MYO3A: variants seen among roughly 807,000 people sequenced by gnomAD.
MYO3A encodes myosin IIIA.
MYO3A carries 180 observed loss-of-function variants against 192.7 expected under a neutral mutation model. The ratio of observed to expected loss-of-function variants is 0.93; its 90% CI spans 0.83 to 1.06. MYO3A has a LOEUF of 1.06. MYO3A is among the 50% of genes least tolerant of loss of function. The pLI is 0.00. For synonymous variants in MYO3A, 628 were observed against 645.3 expected, an observed-to-expected ratio of 0.97 and a Z score of 0.41; for missense variants, 1,896 against 1,905.0, an observed-to-expected ratio of 1.00 and a Z score of 0.09.
At chr10:26,184,613 CA>C (rs111649120) in intron 31 of MYO3A, among the ~76,000 whole-genome samples, 5 of 152,012 alleles carry the variant, frequency 3.3e-5, no homozygotes, top group African/African-American at 7.2e-5. Context: ...CTTCTGAATG[CA>C]AAAAAGCGGG....
At position 26,125,380 on chromosome 10, in the gene MYO3A, C is replaced by A; in HGVS notation, c.1904-18C>A. The A allele has an allele frequency of 6.2e-7, 1 of 1,612,722 alleles. No individual in the cohort carries two copies. The highest frequency in any genetic ancestry group is 8.5e-7 in the Non-Finnish European group (1 of 1,178,972). Reference sequence around the variant, plus strand: ...ATTGCCATAATTTCTTCTAACAATGCATCTGTTTGTTTTTCAGGTGCTTCT... The same window carrying A: ...ATTGCCATAATTTCTTCTAACAATGAATCTGTTTGTTTTTCAGGTGCTTCT... On this transcript the variant is annotated intron_variant, in intron 18 of 34. Transcript: ENST00000642920.
Position 26,157,448 on chromosome 10 carries a change from C to T in MYO3A, c.2932C>T (p.Leu978=), listed in dbSNP as rs1285462462. Reference sequence around the variant, plus strand: ...GCTACAGCTTCGGTACACAGGAATTCTGGAAACAGCAAGAATTCGAAGACT... The same window carrying T: ...GCTACAGCTTCGGTACACAGGAATTTTGGAAACAGCAAGAATTCGAAGACT... ...VLLQLRYTGI[L]ETARIRRLGF... is the part of the protein sequence containing the mutation. Residue 978 remains leucine, a synonymous_variant, in exon 26 of 35, where the codon CTG becomes TTG. Coordinates refer to ENST00000642920, the MANE Select transcript of MYO3A (RefSeq NM_017433.5). 3 of 1,614,132 alleles carry T rather than the reference C, an allele frequency of 1.9e-6. No homozygotes were observed. In the East Asian group the frequency reaches 6.7e-5, roughly 36 times the overall value.
intron 17 of MYO3A, among the ~76,000 whole-genome samples, chr10:26,102,479 T>C (rs535783054): frequency 1.3e-5 from 2 of 152,362 alleles, no homozygotes; most frequent in African/African-American, 4.8e-5. Context: ...AGTGGCCCTC[T>C]GATTTTTAGA....
intron 32 of MYO3A, among the ~76,000 whole-genome samples, chr10:26,194,234 C>T (rs755741602): frequency 6.6e-6 from 1 of 152,152 alleles, no homozygotes; most frequent in Non-Finnish European, 1.5e-5. Flanking sequence ...GTCTCTAAAC[C>T]ATACCTTTGA....
At chr10:26,139,735 C>T (rs1242696201) in intron 20 of MYO3A, among the ~76,000 whole-genome samples, 2 of 151,970 alleles carry the variant, frequency 1.3e-5, no homozygotes, top group Non-Finnish European at 2.9e-5. Flanking sequence ...AGACCCAACT[C>T]TACTAAAAAT....
chr10:26,053,621 C>T lies in MYO3A; in HGVS notation c.954-13354C>T, dbSNP rs147092730. ...AGGGCGGATCGCGAGGTCAGGAGTT[C>T]GAGACCAGTCTGGCCAACATAGTGA... On this transcript the variant is annotated intron_variant, in intron 10 of 34. Transcript: ENST00000642920. Among the ~76,000 whole-genome samples the T allele has an allele frequency of 1.8e-3, 269 of 152,164 alleles. 1 individual carries two copies. The highest frequency in any genetic ancestry group is 5.1e-3 in the African/African-American group (212 of 41,512).
intron 14 of MYO3A, among the ~76,000 whole-genome samples, chr10:26,078,433 T>G (rs778305191): frequency 1.2e-4 from 19 of 152,086 alleles, no homozygotes; most frequent in Non-Finnish European, 2.2e-4. Context: ...TCAATTTTAT[T>G]TATCTTTTCA....
intron 20 of MYO3A, among the ~76,000 whole-genome samples, chr10:26,129,642 T>C (rs1243130118): frequency 1.3e-5 from 2 of 152,218 alleles, no homozygotes; most frequent in Admixed American, 6.5e-5. Flanking sequence ...ATCTGGTACT[T>C]TGAGGCGTAT....
intron 7 of MYO3A, among the ~76,000 whole-genome samples, chr10:26,019,977 G>T (rs1240953995): frequency 1.3e-5 from 2 of 152,152 alleles, no homozygotes; most frequent in African/African-American, 2.4e-5. Flanking sequence ...CATAGAAAAG[G>T]TTAACAAGCA....
intron 22 of MYO3A, among the ~76,000 whole-genome samples, chr10:26,146,718 A>G (rs1392053484): frequency 6.6e-6 from 1 of 152,236 alleles, no homozygotes; most frequent in Non-Finnish European, 1.5e-5. Flanking sequence ...GAAAGTTTAC[A>G]TCTTCAAAAT....
chr10:25,996,582 T>C lies in MYO3A; in HGVS notation c.396T>C (p.His132=). 6.2e-7 allele frequency: 1 copy of C among 1,612,854 alleles called. No homozygotes were observed. Among genetic ancestry groups the C allele is most frequent in the Non-Finnish European group, 8.5e-7 (1 of 1,178,948 alleles). The part of the protein sequence containing the change: ...MSEPLIAYIL[H]EALMGLQHLH... ...AGCCTCTAATTGCCTATATTTTACA[T>C]GAAGCACTAATGGTAAGGCAATTTA... The change falls in exon 5 of 35, where the codon CAT becomes CAC. Residue 132 remains histidine, a synonymous_variant. Transcript: ENST00000642920.
intron 20 of MYO3A, among the ~76,000 whole-genome samples, chr10:26,134,840 T>C (rs1839754529): frequency 6.6e-6 from 1 of 152,202 alleles, no homozygotes; most frequent in Non-Finnish European, 1.5e-5. Flanking sequence ...ATGGTTTCTC[T>C]CTACCCTGGG....
chr10:25,947,072 C>A (rs961731322), intron 2 of MYO3A, among the ~76,000 whole-genome samples: 4 of 151,502 alleles, frequency 2.6e-5, no homozygotes, highest in Non-Finnish European at 4.4e-5. Flanking sequence ...TTGTTGGTGG[C>A]GTTCTATATA....
chr10:25,938,323 C>T (rs987917874), intron 2 of MYO3A, among the ~76,000 whole-genome samples: 5 of 152,094 alleles, frequency 3.3e-5, no homozygotes, highest in African/African-American at 1.2e-4. Context: ...TAAGTCCCGT[C>T]GGAAGGCAAT....
intron 10 of MYO3A, among the ~76,000 whole-genome samples, chr10:26,050,989 C>T (rs1055265637): frequency 1.3e-5 from 2 of 152,108 alleles, no homozygotes. Context: ...AAATTTATAC[C>T]AGAGTGTAAC....
intron 30 of MYO3A, among the ~76,000 whole-genome samples, chr10:26,175,092 G>A (rs1171116147): frequency 6.6e-6 from 1 of 152,174 alleles, no homozygotes; most frequent in African/African-American, 2.4e-5. Context: ...GCAGAGAAAA[G>A]TTCCCTCCTG....
At chr10:26,050,435 G>A (rs1049403100) in intron 10 of MYO3A, among the ~76,000 whole-genome samples, 11 of 152,134 alleles carry the variant, frequency 7.2e-5, no homozygotes, top group African/African-American at 2.7e-4. Context: ...AACTTGCAGC[G>A]GCTCTGGTAA....
intron 15 of MYO3A, among the ~76,000 whole-genome samples, chr10:26,092,465 CA>C (rs112109851): frequency 6.8e-6 from 1 of 147,792 alleles, no homozygotes; most frequent in Admixed American, 6.7e-5. Context: ...GACTCTGTCT[CA>C]AAAAAAAAAG....
At chr10:26,128,681 A>G in intron 20 of MYO3A, 143 bp downstream of exon 20, 1 of 897,266 alleles carries the variant, frequency 1.1e-6, no homozygotes, top group Non-Finnish European at 1.7e-6. Flanking sequence ...CCACGTCCAT[A>G]GTAAAAACAA....
Sources: allele counts gnomAD v4.1 joint callset (sites outside exome capture counted in the v4.1 genomes callset), GRCh38; gene constraint gnomAD v4.1.1; transcripts MANE v1.5; gene names NCBI Gene and HGNC (gene_info 2026-07-23, HGNC 2026-07-21).